FRMD4A: variants seen among roughly 807,000 people sequenced by gnomAD.
FRMD4A encodes FERM domain-containing protein 4A.
A neutral mutation model predicts 129.1 loss-of-function variants in FRMD4A; 29 were observed. That is an observed-to-expected ratio of 0.22 (90% CI 0.17 to 0.31). FRMD4A has a LOEUF of 0.31. FRMD4A is among the 10% of genes least tolerant of loss of function. The pLI is 1.00. For missense variants in FRMD4A, 1,272 were observed against 1,375.8 expected, an observed-to-expected ratio of 0.92 and a Z score of 1.19; for synonymous variants, 634 against 571.6, an observed-to-expected ratio of 1.11 and a Z score of -1.56.
chr10:14,184,619 C>G (rs1842023518), intron 2 of FRMD4A, among the ~76,000 whole-genome samples: 1 of 152,108 alleles, frequency 6.6e-6, no homozygotes, highest in South Asian at 2.1e-4. Context: ...GTGCCCGTCT[C>G]CTGAGGAGCC....
intron 2 of FRMD4A, among the ~76,000 whole-genome samples, chr10:14,132,291 A>G (rs1839301617): frequency 6.6e-6 from 1 of 152,132 alleles, no homozygotes; most frequent in African/African-American, 2.4e-5. Context: ...ACTTCTCAAA[A>G]AACAAAAACA....
chr10:14,138,405 T>C (rs947517117), intron 2 of FRMD4A, among the ~76,000 whole-genome samples: 1 of 152,178 alleles, frequency 6.6e-6, no homozygotes, highest in Admixed American at 6.5e-5. Context: ...GATAGCAAAA[T>C]AAATAAATTC....
At chr10:14,000,667 A>AAAAAAAAAAAAAAAAAAAAAAAAAG (rs200369296) in intron 2 of FRMD4A, among the ~76,000 whole-genome samples, 1 of 106,826 alleles carries the variant, frequency 9.4e-6, no homozygotes, top group Non-Finnish European at 2.0e-5. Context: ...AAAAAAAAAA[A>AAAAAAAAAAAAAAAAAAAAAAAAAG]AGAGAAGAAA....
chr10:13,916,134 T>C (rs2095001468), intron 2 of FRMD4A, among the ~76,000 whole-genome samples: 1 of 152,198 alleles, frequency 6.6e-6, no homozygotes, highest in African/African-American at 2.4e-5. Context: ...CTATGAGCCC[T>C]GCTACACCCT....
intron 2 of FRMD4A, among the ~76,000 whole-genome samples, chr10:14,020,064 G>A (rs754580685): frequency 1.1e-4 from 17 of 152,174 alleles, no homozygotes; most frequent in Non-Finnish European, 1.6e-4. Flanking sequence ...ACGTCACTGA[G>A]GGCACTGCCA....
intron 2 of FRMD4A, among the ~76,000 whole-genome samples, chr10:13,880,285 T>C (rs1036490721): frequency 1.3e-5 from 2 of 152,194 alleles, no homozygotes; most frequent in African/African-American, 4.8e-5. Context: ...CTCCATTTTG[T>C]GCTCTTTTGG....
Position 13,657,222 on chromosome 10 carries a change from C to T in FRMD4A, c.2367G>A (p.Ala789=), listed in dbSNP as rs375391635. The T allele has an allele frequency of 7.9e-5, 123 of 1,561,616 alleles. No individual in the cohort carries two copies. The highest frequency in any genetic ancestry group is 1.0e-4 in the Non-Finnish European group (116 of 1,159,838). The change falls in exon 22 of 25, where the codon GCG becomes GCA. Residue 789 remains alanine (A), a synonymous_variant. Coordinates refer to ENST00000357447, the MANE Select transcript of FRMD4A (RefSeq NM_018027.5). ...ARQRQRQRQR[A]AGALGSASSG... is the part of the protein sequence containing the mutation. ...AGCTGGCTGAGCCCAGTGCGCCCGC[C>T]GCCCGCTGCCGCTGCCTCTGCCTCT...
At chr10:13,858,808 C>A in intron 3 of FRMD4A, 39 bp downstream of exon 3, 2 of 1,198,600 alleles carry the variant, frequency 1.7e-6, no homozygotes, top group South Asian at 2.4e-5. Context: ...CCACATCAGT[C>A]ACCAAAGAAA....
chr10:14,082,619 G>A (rs34407130), intron 2 of FRMD4A, among the ~76,000 whole-genome samples: 2 of 152,252 alleles, frequency 1.3e-5, no homozygotes, highest in Non-Finnish European at 2.9e-5. Flanking sequence ...CACTGAAGTT[G>A]AGTGACGAAA....
rs758699088 is a variant in FRMD4A, at chr10:13,660,438, T to C, written c.1776A>G (p.Arg592=). ...AGTCGTTGCGGTGATAGTGCATCTG[T>C]CGGAGTCCCTCCAGGGACTGGGGAG... ...PPPPQSLEGL[R]QMHYHRNDYD... Residue 592 remains arginine, a synonymous_variant, in exon 20 of 25, where the codon CGA becomes CGG. Transcript: ENST00000357447. 1 of 1,613,910 alleles carries C rather than the reference T, an allele frequency of 6.2e-7. No homozygotes were observed. The highest frequency in any genetic ancestry group is 1.1e-5 in the South Asian group (1 of 91,068).
intron 2 of FRMD4A, among the ~76,000 whole-genome samples, chr10:14,216,054 C>T (rs1468363109): frequency 5.3e-5 from 8 of 152,128 alleles, no homozygotes; most frequent in East Asian, 1.9e-4. Flanking sequence ...CGTTCTGTAG[C>T]GGCACCTAAG....
chr10:14,219,417 C>T (rs186138921), intron 2 of FRMD4A, among the ~76,000 whole-genome samples: 46 of 152,300 alleles, frequency 3.0e-4, no homozygotes, highest in South Asian at 4.1e-4. Context: ...CTCTGAGCAC[C>T]TACTTTGTGC....
intron 6 of FRMD4A, among the ~76,000 whole-genome samples, chr10:13,778,754 G>A (rs951874896): frequency 4.6e-5 from 7 of 152,046 alleles, no homozygotes; most frequent in Admixed American, 3.3e-4. Context: ...ACAGACAAGC[G>A]CACGAGGAGA....
At chr10:13,811,546 T>G (rs2093445586) in intron 3 of FRMD4A, among the ~76,000 whole-genome samples, 1 of 147,368 alleles carries the variant, frequency 6.8e-6, no homozygotes, top group South Asian at 2.2e-4. Flanking sequence ...CACTCCAGCC[T>G]GGGTGACAGA....
At chr10:13,771,960 A>C (rs902698276) in intron 6 of FRMD4A, among the ~76,000 whole-genome samples, 23 of 151,380 alleles carry the variant, frequency 1.5e-4, no homozygotes, top group Admixed American at 7.9e-4. Context: ...CACAAAAAAA[A>C]CAAATTAGCT....
intron 12 of FRMD4A, among the ~76,000 whole-genome samples, chr10:13,708,885 G>T (rs1367329762): frequency 1.3e-5 from 2 of 152,230 alleles, no homozygotes; most frequent in Non-Finnish European, 2.9e-5. Flanking sequence ...TGGCCTCATA[G>T]CCTGGGGGCA....
intron 2 of FRMD4A, among the ~76,000 whole-genome samples, chr10:14,113,318 C>T (rs1022557403): frequency 1.3e-5 from 2 of 152,144 alleles, no homozygotes; most frequent in South Asian, 2.1e-4. Context: ...GCCCACCCAA[C>T]GTGAAGATGA....
intron 4 of FRMD4A, among the ~76,000 whole-genome samples, chr10:13,803,904 C>T (rs2093309560): frequency 6.6e-6 from 1 of 152,218 alleles, no homozygotes; most frequent in South Asian, 2.1e-4. Context: ...ATTCACTCCG[C>T]TCACCTGTGC....
chr10:13,952,923 C>A (rs1342231710), intron 2 of FRMD4A, among the ~76,000 whole-genome samples: 1 of 152,092 alleles, frequency 6.6e-6, no homozygotes, highest in Non-Finnish European at 1.5e-5. Flanking sequence ...CTATAAACTC[C>A]TGACCTCAGA....
Sources: gnomAD v4.1 joint callset for allele counts (sites outside exome capture counted in the v4.1 genomes callset) on GRCh38, gnomAD v4.1.1 for gene constraint, MANE v1.5 for transcripts, NCBI Gene and HGNC (gene_info 2026-07-23, HGNC 2026-07-21) for gene names.